PRKCB: variants seen among roughly 807,000 people sequenced by gnomAD.
The protein encoded by PRKCB is protein kinase C beta type.
In PRKCB, 13 loss-of-function variants were observed where a neutral mutation model predicts 81.5. That is an observed-to-expected ratio of 0.16 (90% CI 0.10 to 0.25). The LOEUF (loss-of-function observed/expected upper bound fraction) is 0.25, where lower values mean the gene tolerates loss of function less well. Ranked by LOEUF, PRKCB falls within the 10% of genes least tolerant of loss-of-function variation. The pLI is 1.00. For missense variants in PRKCB, 509 were observed against 875.7 expected (o/e 0.58, Z 5.29); for synonymous variants, 335 against 321.4 (o/e 1.04, Z -0.45).
chr16:23,874,052 T>C (rs576265635), intron 2 of PRKCB, among the ~76,000 whole-genome samples: 1 of 152,330 alleles, frequency 6.6e-6, no homozygotes, highest in East Asian at 1.9e-4. Flanking sequence ...GAAAATTGCT[T>C]GTCTATGCTT....
chr16:24,078,564 G>A (rs1201529038), intron 5 of PRKCB, among the ~76,000 whole-genome samples: 1 of 152,210 alleles, frequency 6.6e-6, no homozygotes, highest in Non-Finnish European at 1.5e-5. Context: ...AAGCTGGGCT[G>A]AAGAGCTCCT....
rs1236853346 is a variant in PRKCB at position 24,154,745 on chromosome 16, ACG to A, written c.1128_1129del (p.Val377CysfsTer5). ...TATGCTGTGAAGATCCTGAAGAAGG[ACG>A]TTGTGATCCAAGATGATGACGTGGA... On this transcript the variant is annotated frameshift_variant, in exon 10 of 17. Transcript: ENST00000643927. LOFTEE classifies it high-confidence loss of function. 1 of 1,614,194 alleles carries A rather than the reference ACG, an allele frequency of 6.2e-7. No homozygotes were observed. Among genetic ancestry groups the A allele is most frequent in the South Asian group, 1.1e-5 (1 of 91,082 alleles).
chr16:23,977,813 G>A (rs559290681), intron 2 of PRKCB, among the ~76,000 whole-genome samples: 53 of 152,240 alleles, frequency 3.5e-4, no homozygotes, highest in African/African-American at 1.2e-3. Context: ...CTGTGTTGGG[G>A]CCGGCTGCCC....
intron 5 of PRKCB, among the ~76,000 whole-genome samples, chr16:24,053,641 G>A (rs921345813): frequency 1.3e-5 from 2 of 152,218 alleles, no homozygotes; most frequent in Non-Finnish European, 2.9e-5. Context: ...TGGCAAGCAG[G>A]CAGTCACTGA....
At chr16:23,845,191 C>G (rs1962346514) in intron 2 of PRKCB, among the ~76,000 whole-genome samples, 1 of 152,172 alleles carries the variant, frequency 6.6e-6, no homozygotes, top group East Asian at 1.9e-4. Context: ...GAGAAAATTT[C>G]TGTTGTCATG....
At chr16:24,166,297 A>G (rs1967346824) in intron 10 of PRKCB, among the ~76,000 whole-genome samples, 1 of 152,210 alleles carries the variant, frequency 6.6e-6, no homozygotes, top group South Asian at 2.1e-4. Flanking sequence ...TAATAAAAAT[A>G]TTTTTAAAAA....
At chr16:23,956,924 G>A (rs1396023262) in intron 2 of PRKCB, among the ~76,000 whole-genome samples, 2 of 129,832 alleles carry the variant, frequency 1.5e-5, no homozygotes, top group Non-Finnish European at 3.1e-5. Flanking sequence ...AGGATGCTGA[G>A]TTTGATTCCT....
At chr16:23,923,469 T>A (rs1963854249) in intron 2 of PRKCB, among the ~76,000 whole-genome samples, 1 of 152,104 alleles carries the variant, frequency 6.6e-6, no homozygotes, top group African/African-American at 2.4e-5. Flanking sequence ...ATGTGCTGAT[T>A]GACCACCCTT....
chr16:24,079,250 A>G (rs1166068302), intron 5 of PRKCB, among the ~76,000 whole-genome samples: 1 of 152,178 alleles, frequency 6.6e-6, no homozygotes, highest in Non-Finnish European at 1.5e-5. Flanking sequence ...GCCTGCACCC[A>G]GGTGAAATAA....
rs1168046057 is a variant in PRKCB at position 23,836,104 on chromosome 16, C to T, written c.-72C>T. ...GCAGCGGCCGCCGCCTCCCGCGCCT[C>T]CCCGGCCCGCAGCCCGCGGTCCCGC... On this transcript the variant is annotated 5_prime_UTR_variant, in exon 1 of 17. Transcript: ENST00000643927. 7 of 1,077,174 alleles carry T rather than the reference C, an allele frequency of 6.5e-6. No homozygotes were observed. The East Asian group carries it at 3.2e-4, about 49-fold the overall frequency. The allele number at this position is 1,077,174 out of a possible 1,614,324, so 66.7% of individuals were successfully genotyped here.
rs142706468 is a variant in PRKCB at position 24,176,263 on chromosome 16, T to C, written c.1394+1683T>C. On this transcript the variant is annotated intron_variant, in intron 12 of 16. Coordinates refer to ENST00000643927, the MANE Select transcript of PRKCB (RefSeq NM_002738.7). ...GGAGTGGTTTTACTTGGCATGTGGGTGATCCTAGTGAAAATGTAAAAATAG... is the reference window on the plus strand; with the variant it reads ...GGAGTGGTTTTACTTGGCATGTGGGCGATCCTAGTGAAAATGTAAAAATAG... 3.7e-3 allele frequency among the ~76,000 whole-genome samples: 570 copies of C among 152,086 alleles called. 6 individuals carry two copies. Among genetic ancestry groups the C allele is most frequent in the African/African-American group, 0.013 (536 of 41,466 alleles).
chr16:23,853,009 C>T (rs1406809763), intron 2 of PRKCB, among the ~76,000 whole-genome samples: 6 of 152,134 alleles, frequency 3.9e-5, no homozygotes, highest in Non-Finnish European at 8.8e-5. Context: ...GGAATGGTGC[C>T]GTTTGCCTTC....
At chr16:24,067,996 A>G (rs930009196) in intron 5 of PRKCB, among the ~76,000 whole-genome samples, 2 of 150,520 alleles carry the variant, frequency 1.3e-5, no homozygotes, top group Non-Finnish European at 2.9e-5. Flanking sequence ...GTTATTTTCC[A>G]TGCAGGTTGG....
At chr16:23,917,372 C>T (rs753818448) in intron 2 of PRKCB, among the ~76,000 whole-genome samples, 20 of 152,216 alleles carry the variant, frequency 1.3e-4, no homozygotes, top group African/African-American at 4.8e-4. Flanking sequence ...CCACCACGCC[C>T]GGCCACCTCA....
chr16:24,070,907 A>G (rs1966099669), intron 5 of PRKCB, among the ~76,000 whole-genome samples: 1 of 152,260 alleles, frequency 6.6e-6, no homozygotes, highest in South Asian at 2.1e-4. Context: ...ACTGAAGATA[A>G]GAAAGGAAGA....
intron 2 of PRKCB, among the ~76,000 whole-genome samples, chr16:23,910,209 T>C (rs952864664): frequency 8.5e-5 from 13 of 152,118 alleles, no homozygotes; most frequent in African/African-American, 2.9e-4. Flanking sequence ...TCATAAGAGA[T>C]AGATGACGTC....
At chr16:24,212,449 T>G (rs2141994357) in intron 16 of PRKCB, among the ~76,000 whole-genome samples, 8 of 137,074 alleles carry the variant, frequency 5.8e-5, no homozygotes, top group South Asian at 5.1e-4. Context: ...TCTCCTCCTG[T>G]GCTTTTTTTT....
intron 2 of PRKCB, among the ~76,000 whole-genome samples, chr16:23,841,922 C>G (rs573776589): frequency 2.0e-4 from 30 of 152,122 alleles, no homozygotes; most frequent in African/African-American, 7.0e-4. Flanking sequence ...TCCCAAAGTG[C>G]TAGGATTACA....
At chr16:23,879,880 C>T (rs903554604) in intron 2 of PRKCB, among the ~76,000 whole-genome samples, 1 of 152,182 alleles carries the variant, frequency 6.6e-6, no homozygotes, top group Non-Finnish European at 1.5e-5. Flanking sequence ...CGAATCCTAG[C>T]TCTGCTGTTT....
Sources: allele counts gnomAD v4.1 joint callset (sites outside exome capture counted in the v4.1 genomes callset), GRCh38; gene constraint gnomAD v4.1.1; transcripts MANE v1.5; gene names NCBI Gene and HGNC (gene_info 2026-07-23, HGNC 2026-07-21).